The following MEGF8 variants were observed in gnomAD, a reference collection of about 807,000 sequenced individuals.
The protein encoded by MEGF8 is multiple EGF like domains 8.
Under a neutral mutation model 302.9 loss-of-function variants are expected in MEGF8, and 156 were observed. That is an observed-to-expected ratio of 0.52 (90% CI 0.45 to 0.59). The LOEUF is 0.59. Ranked by LOEUF, MEGF8 falls within the 20% of genes least tolerant of loss-of-function variation. The pLI, the probability that MEGF8 is intolerant of heterozygous loss-of-function variation, is 0.00. For synonymous variants in MEGF8, 1,621 were observed against 1,660.5 expected, an observed-to-expected ratio of 0.98 and a Z score of 0.58; for missense variants, 3,345 against 3,964.5, an observed-to-expected ratio of 0.84 and a Z score of 4.20.
Position 42,351,140 on chromosome 19 carries a change from G to T in MEGF8, c.2737-76G>T, listed in dbSNP as rs747057848. On this transcript the variant is annotated intron_variant, in intron 15 of 41. Coordinates refer to ENST00000251268, the MANE Select transcript of MEGF8 (RefSeq NM_001271938.2). This position sits in a 1 kb window ranked among gnomAD's most constrained non-coding sequence, Gnocchi z 5.6. Reference sequence around the variant, plus strand: ...AGGGACAGTCTGCAGGGTGGGGCAGGGGGTGGGATGGGCACTGGGAGTCCA... The same window carrying T: ...AGGGACAGTCTGCAGGGTGGGGCAGTGGGTGGGATGGGCACTGGGAGTCCA... The T allele has an allele frequency of 7.0e-6, 9 of 1,281,934 alleles. No homozygotes were observed. In the South Asian group the frequency reaches 1.2e-4, roughly 18 times the overall value. The allele number at this position is 1,281,934 out of a possible 1,614,324, so 79.4% of individuals were successfully genotyped here.
rs538044705 is a variant in MEGF8, at chr19:42,354,158, C to T, written c.4011+134C>T. ...TTTTTTTAATCCTTCAAAACCCAAA[C>T]TCCTCCTCAGATCCCCAGCACTTTG... On this transcript the variant is annotated intron_variant, in intron 22 of 41. Transcript: ENST00000251268. The surrounding 1 kb of genome is among the most constrained non-coding windows in gnomAD (Gnocchi z 4.3). 181 of 1,120,626 alleles carry T rather than the reference C, an allele frequency of 1.6e-4. No individual in the cohort carries two copies. In the African/African-American group the frequency reaches 2.6e-3, roughly 16 times the overall value. 69.4% of individuals were successfully genotyped at this position (1,120,626 alleles called of 1,614,324 possible).
chr19:42,374,470 C>CAAAAAAAA (rs58700897), intron 41 of MEGF8, among the ~76,000 whole-genome samples: 3 of 56,292 alleles, frequency 5.3e-5, no homozygotes, highest in Non-Finnish European at 7.8e-5. Context: ...GACTCTGTCT[C>CAAAAAAAA]AAAAAAAAAA....
chr19:42,366,963 C>T lies in MEGF8; in HGVS notation c.6274-1492C>T, dbSNP rs573272002. On this transcript the variant is annotated intron_variant, in intron 35 of 41. Coordinates refer to ENST00000251268, the MANE Select transcript of MEGF8 (RefSeq NM_001271938.2). ...CCCCTCAGTGGGCTCAGAGCTCCAG[C>T]CACAGCAGTCAGGGTTTTCTATTTC... Among the ~76,000 whole-genome samples the T allele has an allele frequency of 2.0e-5, 3 of 152,334 alleles. No individual in the cohort carries two copies. The East Asian group carries it at 5.8e-4, about 29-fold the overall frequency.
In MEGF8 at chr19:42,368,520, A is replaced by C; in HGVS notation, c.6339A>C (p.Gly2113=). 1 of 1,608,008 alleles carries C rather than the reference A, an allele frequency of 6.2e-7. No homozygotes were observed. The highest frequency in any genetic ancestry group is 8.5e-7 in the Non-Finnish European group (1 of 1,178,052). Residue 2113 remains glycine (G), a synonymous_variant, in exon 36 of 42, where the codon GGA becomes GGC. Coordinates refer to ENST00000251268, the MANE Select transcript of MEGF8 (RefSeq NM_001271938.2). This position sits in a 1 kb window ranked among gnomAD's most constrained non-coding sequence, Gnocchi z 4.9. The part of the protein sequence containing the change: ...MAGGCGRLLR[G]PESCSLGCAQ... ...GAGGCTGTGGGCGGCTGCTCCGGGG[A>C]CCTGAGAGCTGCTCCCTGGGCTGTG... is the stretch of plus-strand genomic sequence containing the variant.
At chr19:42,338,575 C>T (rs1402612666) in intron 8 of MEGF8, among the ~76,000 whole-genome samples, 2 of 152,050 alleles carry the variant, frequency 1.3e-5, no homozygotes, top group East Asian at 3.9e-4. Flanking sequence ...CTCCCTCCTC[C>T]AACCCTCAGG....
intron 39 of MEGF8, 152 bp from the exon 40 acceptor site, chr19:42,370,549 G>T: frequency 1.0e-6 from 1 of 956,530 alleles, no homozygotes; most frequent in Non-Finnish European, 1.5e-6. Context: ...AGAGGAGCTG[G>T]GGCCTGGACT....
rs2147490712 is a variant in MEGF8, at chr19:42,359,130, G to C, written c.5376G>C (p.Leu1792=). ...PRPRLFHASA[L]LGDTMVVLGG... is the part of the protein sequence containing the mutation. ...CCCGGCTTTTCCACGCCTCAGCCCT[G>C]TTAGGGGACACCATGGTGGTTCTTG... Residue 1792 remains leucine, a synonymous_variant, in exon 31 of 42, where the codon CTG becomes CTC. Transcript: ENST00000251268. The C allele has an allele frequency of 1.9e-6, 3 of 1,578,060 alleles. No individual in the cohort carries two copies. The highest frequency in any genetic ancestry group is 1.2e-5 in the South Asian group (1 of 86,502).
intron 41 of MEGF8, among the ~76,000 whole-genome samples, chr19:42,374,489 A>C (rs959990075): frequency 1.3e-5 from 2 of 151,736 alleles, no homozygotes; most frequent in African/African-American, 2.4e-5. Flanking sequence ...AAAAAAAAAA[A>C]AAAGTCTCAC....
intron 7 of MEGF8, 52 bp from the exon 8 acceptor site, chr19:42,337,032 T>C (rs1333680302): frequency 2.5e-6 from 4 of 1,611,846 alleles, no homozygotes; most frequent in Non-Finnish European, 3.4e-6. Flanking sequence ...TGCAGGGGAG[T>C]CCCCCCACCT....
chr19:42,335,229 G>A lies in MEGF8; in HGVS notation c.739+14G>A, dbSNP rs370654001. ...CAGTTTTCGGAGGTGAGCAGATGGG[G>A]CGAGTATCTGGGATCTGGAGGCCCG... On this transcript the variant is annotated intron_variant, in intron 4 of 41. Transcript: ENST00000251268. The A allele has an allele frequency of 5.6e-6, 9 of 1,614,040 alleles. No individual in the cohort carries two copies. Among genetic ancestry groups the A allele is most frequent in the Non-Finnish European group, 5.9e-6 (7 of 1,179,900 alleles).
At chr19:42,335,005 A>G (rs761844136) in intron 3 of MEGF8, 30 bp from the exon 4 acceptor site, 1 of 1,581,736 alleles carries the variant, frequency 6.3e-7, no homozygotes, top group Non-Finnish European at 8.6e-7. Context: ...TCCCTCTCTT[A>G]TCTCTGCCTT....
chr19:42,368,645 T>G lies in MEGF8; in HGVS notation c.6464T>G (p.Leu2155Arg). Residue 2155 changes from leucine to arginine, a missense_variant, in exon 36 of 42, where the codon CTC becomes CGC. Transcript: ENST00000251268. The surrounding 1 kb of genome is among the most constrained non-coding windows in gnomAD (Gnocchi z 4.9). ...DGGGRCMEGG[L>R]SGPRDGLTCG... is the part of the protein sequence containing the mutation. ...GGTGGCCGCTGCATGGAGGGTGGAC[T>G]CAGCGGCCCCCGTGATGGTGAGAGG... 1 of 1,552,244 alleles carries G rather than the reference T, an allele frequency of 6.4e-7. No individual in the cohort carries two copies. The highest frequency in any genetic ancestry group is 8.7e-7 in the Non-Finnish European group (1 of 1,148,980).
In MEGF8 at chr19:42,353,059, G is replaced by A. The variant is rs533343939; in HGVS notation, c.3482G>A (p.Arg1161Gln). ...APGPPAPRCS[R>Q]DCGCSFHSHC... ...GGTCCGCCAGCCCCCCGCTGCTCCC[G>A]GGACTGTGGCTGCAGCTTCCACAGC... Residue 1161 changes from arginine (R) to glutamine (Q), a missense_variant, in exon 20 of 42, where the codon CGG becomes CAG. Transcript: ENST00000251268. This position sits in a 1 kb window ranked among gnomAD's most constrained non-coding sequence, Gnocchi z 6.1. The A allele has an allele frequency of 6.4e-6, 10 of 1,550,824 alleles. No individual in the cohort carries two copies. The highest frequency in any genetic ancestry group is 2.7e-5 in the African/African-American group (2 of 73,140).
intron 1 of MEGF8, among the ~76,000 whole-genome samples, chr19:42,333,238 G>A (rs1182231138): frequency 6.6e-6 from 1 of 152,214 alleles, no homozygotes; most frequent in Non-Finnish European, 1.5e-5. Context: ...ACTCAGGCAT[G>A]GACAGGAAGA....
chr19:42,372,936 G>T (rs1004916895), intron 41 of MEGF8, among the ~76,000 whole-genome samples: 1 of 152,110 alleles, frequency 6.6e-6, no homozygotes, highest in African/African-American at 2.4e-5. Flanking sequence ...GCCCCCCAAA[G>T]TGCTGGGATT....
chr19:42,362,214 G>A lies in MEGF8; in HGVS notation c.5844+1G>A, dbSNP rs1472984847. Reference sequence around the variant, plus strand: ...GACCCTGCAACCTGGAGATGGAGAGGTGAGTGGTGGGGAAGGCAGGGATGA... The same window carrying A: ...GACCCTGCAACCTGGAGATGGAGAGATGAGTGGTGGGGAAGGCAGGGATGA... On this transcript the variant is annotated splice_donor_variant, in intron 33 of 41. Transcript: ENST00000251268. LOFTEE classifies it high-confidence loss of function. The A allele has an allele frequency of 1.2e-6, 2 of 1,610,800 alleles. No homozygotes were observed. The highest frequency in any genetic ancestry group is 1.3e-5 in the African/African-American group (1 of 74,986).
chr19:42,355,749 T>C lies in MEGF8; in HGVS notation c.4145-9T>C, dbSNP rs763027080. 1 of 1,561,564 alleles carries C rather than the reference T, an allele frequency of 6.4e-7. No individual in the cohort carries two copies. Among genetic ancestry groups the C allele is most frequent in the South Asian group, 1.2e-5 (1 of 85,384 alleles). ...CTTTGCTACCAGCCTCTGGCCTCTC[T>C]CTTCACAGGGCTGCTCGTGCTGCAC... On this transcript the variant is annotated splice_polypyrimidine_tract_variant and intron_variant, in intron 23 of 41. Coordinates refer to ENST00000251268, the MANE Select transcript of MEGF8 (RefSeq NM_001271938.2).
rs2039770052 is a variant in MEGF8 at position 42,376,339 on chromosome 19, C to T, written c.8102C>T (p.Thr2701Ile). 6.2e-7 allele frequency: 1 copy of T among 1,613,644 alleles called. No homozygotes were observed. Among genetic ancestry groups the T allele is most frequent in the Non-Finnish European group, 8.5e-7 (1 of 1,179,838 alleles). Residue 2701 changes from threonine to isoleucine, a missense_variant, in exon 42 of 42, where the codon ACC (threonine) becomes ATC (isoleucine). Physicochemically the swap from Thr to Ile is moderately conservative, Grantham distance 89 (BLOSUM62 -1). Coordinates refer to ENST00000251268, the MANE Select transcript of MEGF8 (RefSeq NM_001271938.2). The surrounding 1 kb of genome is among the most constrained non-coding windows in gnomAD (Gnocchi z 8.2). ...GCCAGCCGCCCCTTCGCCAAGGTCA[C>T]CGTCTGCTTCCCACCTGACCCTACT... Reference protein sequence around the residue: ...KMASRPFAKVTVCFPPDPTAP... With the variant: ...KMASRPFAKVIVCFPPDPTAP...
Position 42,375,449 on chromosome 19 carries a change from G to A in MEGF8, c.7270-58G>A, listed in dbSNP as rs2039752129. 2.2e-5 allele frequency: 32 copies of A among 1,469,504 alleles called. No homozygotes were observed. The Middle Eastern group carries it at 5.4e-4, about 25-fold the overall frequency. 91.0% of individuals were successfully genotyped at this position (1,469,504 alleles called of 1,614,324 possible). The stretch of plus-strand genomic sequence containing the variant: ...TAGAGTATTCGTCACTGCTGCTTGG[G>A]GGACAGGCTGGCACCGCACTCAGCC... On this transcript the variant is annotated intron_variant, in intron 41 of 41. Transcript: ENST00000251268. The surrounding 1 kb of genome is among the most constrained non-coding windows in gnomAD (Gnocchi z 7.1).
Sources: allele counts gnomAD v4.1 joint callset (sites outside exome capture counted in the v4.1 genomes callset), GRCh38; gene constraint gnomAD v4.1.1; non-coding constraint Gnocchi (gnomAD v3.1); transcripts MANE v1.5; gene names NCBI Gene and HGNC (gene_info 2026-07-23, HGNC 2026-07-21).